PLD5: variants seen among roughly 807,000 people sequenced by gnomAD.
PLD5 encodes phospholipase D family member 5, also known as inactive phospholipase D5.
A neutral mutation model predicts 61.1 loss-of-function variants in PLD5; 36 were observed. That is an observed-to-expected ratio of 0.59 (90% CI 0.45 to 0.78). The LOEUF is 0.78. Ranked by LOEUF, PLD5 falls within the 30% of genes least tolerant of loss-of-function variation. The pLI is 0.00. For missense variants in PLD5, 515 were observed against 644.4 expected, an observed-to-expected ratio of 0.80 and a Z score of 2.17; for synonymous variants, 243 against 242.8, an observed-to-expected ratio of 1.00 and a Z score of -0.01.
chr1:242,494,228 T>C (rs796427779), intron 1 of PLD5, among the ~76,000 whole-genome samples: 5 of 151,798 alleles, frequency 3.3e-5, no homozygotes, highest in African/African-American at 1.2e-4. Context: ...CATCCCCTTT[T>C]CCCAGGCTAT....
At chr1:242,118,400 C>G (rs1662113209) in intron 6 of PLD5, among the ~76,000 whole-genome samples, 1 of 152,132 alleles carries the variant, frequency 6.6e-6, no homozygotes, top group Admixed American at 6.5e-5. Flanking sequence ...CATCAGTGAC[C>G]AAGACAAGAT....
At chr1:242,249,474 C>G (rs1452730406) in intron 4 of PLD5, among the ~76,000 whole-genome samples, 1 of 151,024 alleles carries the variant, frequency 6.6e-6, no homozygotes, top group East Asian at 1.9e-4. Context: ...ACAAAATGGA[C>G]GAAAACACCT....
chr1:242,481,276 G>A (rs180777295), intron 1 of PLD5, among the ~76,000 whole-genome samples: 1 of 152,340 alleles, frequency 6.6e-6, no homozygotes, highest in African/African-American at 2.4e-5. Flanking sequence ...CCTCACCCGG[G>A]AAGTGCAAGG....
At chr1:242,328,453 C>T (rs1574741908) in intron 2 of PLD5, among the ~76,000 whole-genome samples, 1 of 152,184 alleles carries the variant, frequency 6.6e-6, no homozygotes, top group East Asian at 1.9e-4. Context: ...ATGTGTTGTA[C>T]ATGTGTGTTC....
At chr1:242,358,159 A>C (rs1044573112) in intron 1 of PLD5, among the ~76,000 whole-genome samples, 4 of 151,936 alleles carry the variant, frequency 2.6e-5, no homozygotes, top group Non-Finnish European at 5.9e-5. Context: ...ATTTTATTTA[A>C]TTTTTATCTG....
intron 5 of PLD5, among the ~76,000 whole-genome samples, chr1:242,184,198 A>G (rs927517249): frequency 4.6e-5 from 7 of 152,168 alleles, no homozygotes; most frequent in Non-Finnish European, 5.9e-5. Flanking sequence ...TAGTTTCGCC[A>G]TGAACACTGA....
At position 242,397,967 on chromosome 1, in the gene PLD5, A is replaced by G. The variant is rs528026227; in HGVS notation, c.190-49725T>C. 2.6e-5 allele frequency among the ~76,000 whole-genome samples: 4 copies of G among 152,292 alleles called. No homozygotes were observed. In the East Asian group the frequency reaches 5.8e-4, roughly 22 times the overall value. On this transcript the variant is annotated intron_variant, in intron 1 of 9. Coordinates refer to ENST00000536534, the MANE Select transcript of PLD5 (RefSeq NM_001372062.1). ...CTTGACAAGTTACATTAGAAACATG[A>G]AAGAAAAAAGTCCCAGTCACAGATA... is the stretch of plus-strand genomic sequence containing the variant.
chr1:242,288,389 G>C lies in PLD5; in HGVS notation c.468C>G (p.Leu156=). Residue 156 remains leucine, a synonymous_variant, in exon 3 of 10, where the codon CTC becomes CTG. Coordinates refer to ENST00000536534, the MANE Select transcript of PLD5 (RefSeq NM_001372062.1). The part of the protein sequence containing the change: ...SVDIVSSHWD[L]NHTHPSACQG... ...GACATGCTGATGGATGAGTGTGGTT[G>C]AGATCCCAATGGGAAGACACTATGT... 1 of 1,613,104 alleles carries C rather than the reference G, an allele frequency of 6.2e-7. No homozygotes were observed. The highest frequency in any genetic ancestry group is 8.5e-7 in the Non-Finnish European group (1 of 1,179,696).
chr1:242,508,303 G>T (rs1005849904), intron 1 of PLD5, among the ~76,000 whole-genome samples: 2 of 152,018 alleles, frequency 1.3e-5, no homozygotes, highest in Non-Finnish European at 2.9e-5. Flanking sequence ...AACTCGGGAG[G>T]TAGAGGCTGC....
At chr1:242,443,622 G>C (rs1020925442) in intron 1 of PLD5, among the ~76,000 whole-genome samples, 1 of 152,180 alleles carries the variant, frequency 6.6e-6, no homozygotes, top group Non-Finnish European at 1.5e-5. Flanking sequence ...GTTGAAACAA[G>C]TAAATGGAAA....
At chr1:242,174,991 T>C (rs2148886907) in intron 5 of PLD5, among the ~76,000 whole-genome samples, 1 of 152,222 alleles carries the variant, frequency 6.6e-6, no homozygotes, top group South Asian at 2.1e-4. Flanking sequence ...TGTATACATA[T>C]GTAACAAACC....
Position 242,196,396 on chromosome 1 carries a change from G to A in PLD5, c.735+23592C>T, listed in dbSNP as rs75725196. Among the ~76,000 whole-genome samples the A allele has an allele frequency of 4.4e-3, 669 of 152,170 alleles. 8 individuals carry two copies. Among genetic ancestry groups the A allele is most frequent in the African/African-American group, 0.015 (628 of 41,524 alleles). On this transcript the variant is annotated intron_variant, in intron 5 of 9. Transcript: ENST00000536534. ...ACCGATACCCTGCAGGTGCAGGCTC[G>A]GATCGGCATTACTGTGGCACTTACT...
intron 5 of PLD5, among the ~76,000 whole-genome samples, chr1:242,164,341 C>G (rs578218974): frequency 1.3e-5 from 2 of 151,944 alleles, no homozygotes; most frequent in Non-Finnish European, 2.9e-5. Context: ...TATGCTTTAT[C>G]CAAACGAAAC....
At chr1:242,427,829 T>G (rs993986100) in intron 1 of PLD5, among the ~76,000 whole-genome samples, 1 of 152,216 alleles carries the variant, frequency 6.6e-6, no homozygotes, top group African/African-American at 2.4e-5. Context: ...AGCTGTCTTT[T>G]TCCCCATTCT....
chr1:242,328,313 T>C (rs961539777), intron 2 of PLD5, among the ~76,000 whole-genome samples: 1 of 140,582 alleles, frequency 7.1e-6, no homozygotes, highest in African/African-American at 3.2e-5. Flanking sequence ...CATATATATG[T>C]TCTACATATA....
chr1:242,437,929 G>A (rs1027438829), intron 1 of PLD5, among the ~76,000 whole-genome samples: 3 of 152,184 alleles, frequency 2.0e-5, no homozygotes, highest in Non-Finnish European at 4.4e-5. Context: ...ATAAGATCCG[G>A]AGTTGTTAAG....
At chr1:242,287,815 C>T (rs1675114062) in intron 3 of PLD5, among the ~76,000 whole-genome samples, 1 of 152,144 alleles carries the variant, frequency 6.6e-6, no homozygotes, top group South Asian at 2.1e-4. Flanking sequence ...AGGTAGTTCT[C>T]CGAGCCTTAT....
chr1:242,169,306 G>A (rs1314265911), intron 5 of PLD5, among the ~76,000 whole-genome samples: 2 of 152,112 alleles, frequency 1.3e-5, no homozygotes, highest in African/African-American at 2.4e-5. Flanking sequence ...AAAGTAGGGT[G>A]GGGTGTCACC....
chr1:242,477,372 C>T (rs1360928640), intron 1 of PLD5, among the ~76,000 whole-genome samples: 2 of 152,190 alleles, frequency 1.3e-5, no homozygotes, highest in Non-Finnish European at 2.9e-5. Context: ...ATTCATGTCA[C>T]AGAAACAGCA....
Sources: allele counts gnomAD v4.1 joint callset (sites outside exome capture counted in the v4.1 genomes callset), GRCh38; gene constraint gnomAD v4.1.1; transcripts MANE v1.5; gene names NCBI Gene and HGNC (gene_info 2026-07-23, HGNC 2026-07-21).